Variants in NFU1 observed in about 807,000 individuals in gnomAD.
NFU1 encodes NFU1 iron-sulfur cluster scaffold homolog, mitochondrial.
A neutral mutation model predicts 32.2 loss-of-function variants in NFU1; 30 were observed. That is an observed-to-expected ratio of 0.93 (90% CI 0.70 to 1.26). The LOEUF is 1.26. Ranked by LOEUF, NFU1 falls within the 50% of genes most tolerant of loss-of-function variation. The pLI is 0.00. For synonymous variants in NFU1, 112 were observed against 104.6 expected, an observed-to-expected ratio of 1.07 and a Z score of -0.43; for missense variants, 306 against 306.6, an observed-to-expected ratio of 1.00 and a Z score of 0.02.
chr2:69,399,405 A>C, intron 7 of NFU1: 1 of 455,760 alleles, frequency 2.2e-6, no homozygotes, highest in Non-Finnish European at 4.4e-6. Context: ...GGCAAAAAAA[A>C]AAATGTTGAT....
chr2:69,417,423 G>C (rs1288190619), intron 4 of NFU1, among the ~76,000 whole-genome samples: 1 of 151,290 alleles, frequency 6.6e-6, no homozygotes, highest in South Asian at 2.1e-4. Context: ...CAGAAGGATT[G>C]CATGAGCCCA....
In NFU1 at chr2:69,437,281, A is replaced by G. The variant is rs6758700; in HGVS notation, c.62+80T>C. 0.015 allele frequency: 23,368 copies of G among 1,540,994 alleles called. 1,362 individuals are homozygous for G. In the East Asian group the frequency reaches 0.19, roughly 13 times the overall value. On this transcript the variant is annotated intron_variant, in intron 1 of 7. Coordinates refer to ENST00000410022, the MANE Select transcript of NFU1 (RefSeq NM_001002755.4). ...AGATGCACTACCCACCCGCCTCGAG[A>G]GAGGGTCTGCAAGGCGGCGACCGCT...
Position 69,400,705 on chromosome 2 carries a change from AT to A in NFU1, c.546-168del, listed in dbSNP as rs61684281. Among the ~76,000 whole-genome samples the A allele has an allele frequency of 4.9e-3, 732 of 149,904 alleles. 11 individuals carry two copies. The highest frequency in any genetic ancestry group is 0.012 in the Admixed American group (176 of 15,054). On this transcript the variant is annotated intron_variant, in intron 6 of 7. Transcript: ENST00000410022. ...GTGGCTAAGTTTTATTTAGAATTAA[AT>A]TTTTTTTTTTTACTCTCAGGTAAAA...
At chr2:69,396,643 ACT>A (rs1672345979) in intron 7 of NFU1, among the ~76,000 whole-genome samples, 1 of 151,962 alleles carries the variant, frequency 6.6e-6, no homozygotes, top group African/African-American at 2.4e-5. Context: ...ACACAGCGAG[ACT>A]CTGTCTCAAA....
chr2:69,424,852 T>C (rs920952639), intron 2 of NFU1, among the ~76,000 whole-genome samples: 1 of 151,606 alleles, frequency 6.6e-6, no homozygotes, highest in Non-Finnish European at 1.5e-5. Flanking sequence ...TGTGTGCTTA[T>C]TATATGCCAA....
chr2:69,402,779 C>A (rs1197041399), intron 6 of NFU1, among the ~76,000 whole-genome samples: 1 of 151,896 alleles, frequency 6.6e-6, no homozygotes, highest in Non-Finnish European at 1.5e-5. Context: ...CACAAGGTTT[C>A]TCCATGTTGG....
intron 1 of NFU1, among the ~76,000 whole-genome samples, chr2:69,434,574 A>C (rs904674920): frequency 6.6e-6 from 1 of 152,228 alleles, no homozygotes; most frequent in Admixed American, 6.5e-5. Flanking sequence ...TTAATAGTAA[A>C]AATTCTTAAA....
intron 5 of NFU1, among the ~76,000 whole-genome samples, chr2:69,408,287 A>C (rs1307200918): frequency 6.6e-6 from 1 of 152,214 alleles, no homozygotes; most frequent in Non-Finnish European, 1.5e-5. Flanking sequence ...ATTAGCATAT[A>C]CAAATATGCC....
upstream of NFU1, among the ~76,000 whole-genome samples, chr2:69,438,988 C>T (rs1397582904): frequency 6.6e-6 from 1 of 150,928 alleles, no homozygotes; most frequent in Non-Finnish European, 1.5e-5. Context: ...AAATGTGGCT[C>T]TTCCACCTTG....
chr2:69,408,861 C>CTTTTT (rs1173785443), intron 5 of NFU1, among the ~76,000 whole-genome samples: 4 of 67,760 alleles, frequency 5.9e-5, no homozygotes, highest in East Asian at 4.0e-4. Flanking sequence ...CAGGCTTGTG[C>CTTTTT]TTTTTTTTTT....
intron 2 of NFU1, chr2:69,429,947 G>A (rs770509106): frequency 6.9e-6 from 2 of 291,310 alleles, no homozygotes; most frequent in East Asian, 1.4e-4. Flanking sequence ...GAGGATGGCT[G>A]GAGCCCAGGA....
At chr2:69,421,116 A>C (rs956567814) in intron 3 of NFU1, among the ~76,000 whole-genome samples, 47 of 152,236 alleles carry the variant, frequency 3.1e-4, no homozygotes, top group African/African-American at 1.1e-3. Flanking sequence ...AGGCAGGAGA[A>C]TAGCTTGAAC....
In NFU1 at chr2:69,423,755, A is replaced by C. The variant is rs1558839229; in HGVS notation, c.167-38T>G. On this transcript the variant is annotated intron_variant, in intron 2 of 7. Coordinates refer to ENST00000410022, the MANE Select transcript of NFU1 (RefSeq NM_001002755.4). Reference sequence around the variant, plus strand: ...AAGAAGAAAATGTTATTCTAGAAAAAACAGTTAACAAGTTTATGGACTATG... The same window carrying C: ...AAGAAGAAAATGTTATTCTAGAAAACACAGTTAACAAGTTTATGGACTATG... 4.8e-6 allele frequency: 7 copies of C among 1,464,958 alleles called. No individual in the cohort carries two copies. In the Admixed American group the frequency reaches 9.0e-5, roughly 19 times the overall value. 90.7% of individuals were successfully genotyped at this position (1,464,958 alleles called of 1,614,324 possible).
intron 7 of NFU1, among the ~76,000 whole-genome samples, chr2:69,398,949 T>C (rs1217965045): frequency 6.6e-6 from 1 of 152,116 alleles, no homozygotes; most frequent in Non-Finnish European, 1.5e-5. Context: ...CGGTGGCTCA[T>C]GCCTGTAATC....
chr2:69,408,734 T>TTATATATATATATATA (rs70954344), intron 5 of NFU1, among the ~76,000 whole-genome samples: 51 of 136,406 alleles, frequency 3.7e-4, no homozygotes, highest in Non-Finnish European at 7.4e-4. Flanking sequence ...ATATAAAATT[T>TTATATATATATATATA]TATATATATA....
intron 2 of NFU1, among the ~76,000 whole-genome samples, chr2:69,428,307 C>T (rs954930832): frequency 6.6e-6 from 1 of 151,970 alleles, no homozygotes; most frequent in Admixed American, 6.6e-5. Context: ...CGCCTGTAAT[C>T]CCAGCTACCT....
rs111285615 is a variant in NFU1 at position 69,404,503 on chromosome 2, T to G, written c.545+1519A>C. Among the ~76,000 whole-genome samples the G allele has an allele frequency of 2.3e-3, 348 of 151,432 alleles. 2 individuals are homozygous for G. Among genetic ancestry groups the G allele is most frequent in the Middle Eastern group, 0.021 (6 of 288 alleles). ...GACTCTGTCTCAAAAAAAAAATATC[T>G]GTATACACCATGGAATGGCTAAATC... On this transcript the variant is annotated intron_variant, in intron 6 of 7. Transcript: ENST00000410022.
intron 4 of NFU1, among the ~76,000 whole-genome samples, 179 bp from the exon 5 acceptor site, chr2:69,415,478 C>G (rs1383120331): frequency 6.6e-6 from 1 of 151,600 alleles, no homozygotes; most frequent in Non-Finnish European, 1.5e-5. Flanking sequence ...CTCCTGGGTT[C>G]AAGCGATTCT....
intron 6 of NFU1, among the ~76,000 whole-genome samples, chr2:69,404,440 T>G (rs6754935): frequency 1.7e-3 from 258 of 149,168 alleles, no homozygotes; most frequent in Middle Eastern, 3.5e-3. Flanking sequence ...TGCAGTGAGC[T>G]GATATCGTGC....
Sources: allele counts gnomAD v4.1 joint callset (sites outside exome capture counted in the v4.1 genomes callset), GRCh38; gene constraint gnomAD v4.1.1; transcripts MANE v1.5; gene names NCBI Gene and HGNC (gene_info 2026-07-23, HGNC 2026-07-21).